The following PRPS2 variants were observed in gnomAD, a reference collection of about 807,000 sequenced individuals.
The protein encoded by PRPS2 is ribose-phosphate pyrophosphokinase 2.
For synonymous variants in PRPS2, 111 were observed against 115.3 expected (o/e 0.96, Z 0.24); for missense variants, 104 against 271.5 (o/e 0.38, Z 4.34).
chrX:12,793,985 T>C (rs2042531715), intron 1 of PRPS2, among the ~76,000 whole-genome samples: 1 of 112,563 alleles, frequency 8.9e-6, no homozygotes, highest in Non-Finnish European at 1.9e-5. Context: ...TTGTAACATT[T>C]TACTATGGTC....
intron 2 of PRPS2, among the ~76,000 whole-genome samples, chrX:12,803,139 CT>C (rs1209611334): frequency 8.9e-6 from 1 of 112,005 alleles, no homozygotes; most frequent in Admixed American, 9.4e-5. Flanking sequence ...AGGAATATTC[CT>C]TTTGGAGGCT....
intron 6 of PRPS2, 94 bp downstream of exon 6, chrX:12,820,897 C>A: frequency 1.0e-6 from 1 of 979,369 alleles, no homozygotes; most frequent in Non-Finnish European, 1.4e-6. Context: ...TGGCTCCTTG[C>A]TAAGGCACAT....
intron 4 of PRPS2, among the ~76,000 whole-genome samples, chrX:12,814,071 C>CA (rs1381503077): frequency 9.6e-6 from 1 of 103,970 alleles, no homozygotes; most frequent in African/African-American, 3.6e-5. Flanking sequence ...CCCCCCCACC[C>CA]CCGACTCTAC....
Position 12,820,537 on chromosome X carries a change from C to G in PRPS2, c.705-107C>G, listed in dbSNP as rs192038065. The G allele has an allele frequency of 3.6e-5, 30 of 839,958 alleles. No homozygotes were observed. The East Asian group carries it at 9.1e-4, about 25-fold the overall frequency. The allele number at this position is 839,958 out of a possible 1,213,427, so 69.2% of individuals were successfully genotyped here. On this transcript the variant is annotated intron_variant, in intron 5 of 6. Transcript: ENST00000380668. ...TAATAAATGTGAGTGAAATTTGTTG[C>G]ATTTTTCTTTTACGGAGCACACTTT...
chrX:12,807,977 C>T (rs2042602409), intron 2 of PRPS2, among the ~76,000 whole-genome samples: 2 of 106,849 alleles, frequency 1.9e-5, no homozygotes, highest in African/African-American at 6.9e-5. Flanking sequence ...AAGCAATTCT[C>T]CTGCCTCAGC....
Position 12,817,222 on chromosome X carries a change from G to C in PRPS2, c.531-2285G>C, listed in dbSNP as rs146237037. 9.6e-3 allele frequency among the ~76,000 whole-genome samples: 1,061 copies of C among 110,716 alleles called. 11 individuals carry two copies. The highest frequency in any genetic ancestry group is 0.033 in the African/African-American group (998 of 30,448). ...TGAATGTTTGTGGTTTGGTGTCCCT[G>C]AATAATAAAGAAGGAACATATTTGC... On this transcript the variant is annotated intron_variant, in intron 4 of 6. Transcript: ENST00000380668.
chrX:12,809,995 C>G (rs923268219), intron 3 of PRPS2, 27 bp from the exon 4 acceptor site: 24 of 1,139,507 alleles, frequency 2.1e-5, no homozygotes, highest in Non-Finnish European at 2.7e-5. Context: ...CAAAACCCTG[C>G]AACATGACAC....
intron 1 of PRPS2, among the ~76,000 whole-genome samples, chrX:12,797,319 C>T (rs1342753552): frequency 1.8e-5 from 2 of 109,074 alleles, no homozygotes; most frequent in African/African-American, 6.7e-5. Flanking sequence ...GATGTCACCA[C>T]TGCCCTCCAG....
chrX:12,805,383 T>A (rs1182336337), intron 2 of PRPS2, among the ~76,000 whole-genome samples: 1 of 111,981 alleles, frequency 8.9e-6, no homozygotes, highest in Admixed American at 9.5e-5. Context: ...ATGAAGTACC[T>A]ACCATATTAT....
At chrX:12,820,950 T>C in intron 6 of PRPS2, 147 bp downstream of exon 6, 1 of 572,072 alleles carries the variant, frequency 1.7e-6, no homozygotes. Context: ...AGGATATAAA[T>C]CATATTAGAT....
chrX:12,822,068 T>C (rs1417257196), intron 6 of PRPS2, among the ~76,000 whole-genome samples: 1 of 112,489 alleles, frequency 8.9e-6, no homozygotes, highest in Non-Finnish European at 1.9e-5. Flanking sequence ...GTCATATATT[T>C]TCATGCCTGA....
intron 2 of PRPS2, among the ~76,000 whole-genome samples, chrX:12,804,881 T>G (rs1230296768): frequency 9.0e-6 from 1 of 111,259 alleles, no homozygotes; most frequent in Non-Finnish European, 1.9e-5. Flanking sequence ...TTTCCTTCCC[T>G]TAGGGCTGTA....
intron 2 of PRPS2, among the ~76,000 whole-genome samples, chrX:12,804,891 A>G (rs1010690845): frequency 9.0e-6 from 1 of 110,669 alleles, no homozygotes; most frequent in Non-Finnish European, 1.9e-5. Context: ...TTAGGGCTGT[A>G]TTACCTATGA....
intron 3 of PRPS2, 42 bp from the exon 4 acceptor site, chrX:12,809,980 C>G (rs1569096496): frequency 2.7e-6 from 3 of 1,101,187 alleles, no homozygotes; most frequent in South Asian, 2.6e-5. Context: ...GAAAACAAAA[C>G]AAAACAAAAC....
intron 2 of PRPS2, among the ~76,000 whole-genome samples, chrX:12,808,429 C>T (rs1287867073): frequency 9.0e-6 from 1 of 110,948 alleles, no homozygotes; most frequent in Non-Finnish European, 1.9e-5. Context: ...TGAACGCCAC[C>T]TAGGTCTAAT....
At chrX:12,793,871 C>G (rs940561054) in intron 1 of PRPS2, among the ~76,000 whole-genome samples, 1 of 111,921 alleles carries the variant, frequency 8.9e-6, no homozygotes, top group African/African-American at 3.3e-5. Flanking sequence ...CTTCTTATCC[C>G]TAAATCATTT....
At chrX:12,821,451 TG>T (rs200504130) in intron 6 of PRPS2, among the ~76,000 whole-genome samples, 5 of 53,627 alleles carry the variant, frequency 9.3e-5, no homozygotes, top group South Asian at 1.9e-3. Flanking sequence ...GGTCTGGGGG[TG>T]GGGGGGGCAG....
chrX:12,817,178 A>G (rs1204633461), intron 4 of PRPS2, among the ~76,000 whole-genome samples: 1 of 111,020 alleles, frequency 9.0e-6, no homozygotes, highest in Non-Finnish European at 1.9e-5. Context: ...ACGGAAATAA[A>G]AAACAATAAA....
At chrX:12,801,881 T>G (rs777687570) in intron 2 of PRPS2, among the ~76,000 whole-genome samples, 1 of 112,690 alleles carries the variant, frequency 8.9e-6, no homozygotes, top group Non-Finnish European at 1.9e-5. Flanking sequence ...AGTGCTGGGA[T>G]TACAGGCATG....
Sources: allele counts gnomAD v4.1 joint callset (sites outside exome capture counted in the v4.1 genomes callset), GRCh38; gene constraint gnomAD v4.1.1; transcripts MANE v1.5; gene names NCBI Gene and HGNC (gene_info 2026-07-23, HGNC 2026-07-21).